The following COL11A1 variants were observed in gnomAD, a reference collection of about 807,000 sequenced individuals.
COL11A1 encodes the protein collagen type XI alpha 1 chain, also known as collagen alpha-1(XI) chain.
Under a neutral mutation model 265.2 loss-of-function variants are expected in COL11A1, and 74 were observed. The ratio of observed to expected loss-of-function variants is 0.28; its 90% CI spans 0.23 to 0.34. The LOEUF (loss-of-function observed/expected upper bound fraction) is 0.34. Ranked by LOEUF, COL11A1 falls within the 10% of genes least tolerant of loss-of-function variation. The probability of loss-of-function intolerance (pLI) is 1.00; values close to 1 mark genes in which losing one functional copy is unlikely to be tolerated. For missense variants in COL11A1, 2,165 were observed against 2,263.6 expected (o/e 0.96, Z 0.88); for synonymous variants, 816 against 727.6 (o/e 1.12, Z -1.96).
At chr1:103,013,375 A>T in intron 13 of COL11A1, among the ~76,000 whole-genome samples, 1 of 151,934 alleles carries the variant, frequency 6.6e-6, no homozygotes. Context: ...CAAGTAGGTT[A>T]AGAGGACTAA....
At chr1:103,013,797 C>T (rs2101896209) in intron 13 of COL11A1, among the ~76,000 whole-genome samples, 1 of 151,816 alleles carries the variant, frequency 6.6e-6, no homozygotes, top group East Asian at 1.9e-4. Flanking sequence ...TTCCTTCTTC[C>T]TTAAAAAGAA....
chr1:102,994,196 C>A (rs1474796823), intron 28 of COL11A1, among the ~76,000 whole-genome samples: 1 of 151,986 alleles, frequency 6.6e-6, no homozygotes, highest in African/African-American at 2.4e-5. Context: ...AAATGACTGT[C>A]CTTGAAAAAA....
intron 32 of COL11A1, 37 bp downstream of exon 32, chr1:102,979,345 T>G: frequency 6.7e-7 from 1 of 1,503,234 alleles, no homozygotes; most frequent in South Asian, 1.1e-5. Flanking sequence ...CTAAGAACAC[T>G]TATATACATA....
intron 57 of COL11A1, among the ~76,000 whole-genome samples, chr1:102,890,937 A>G (rs1186478002): frequency 2.0e-5 from 3 of 152,098 alleles, no homozygotes; most frequent in African/African-American, 7.2e-5. Flanking sequence ...ATCTTTGATA[A>G]CCACAGGAAA....
chr1:102,960,495 G>T (rs2101558514), intron 41 of COL11A1, among the ~76,000 whole-genome samples: 1 of 151,038 alleles, frequency 6.6e-6, no homozygotes, highest in Admixed American at 6.6e-5. Context: ...TGTGGGGGGG[G>T]GAATTTTTAC....
chr1:103,026,055 A>T (rs1238490869), intron 6 of COL11A1, 161 bp downstream of exon 6: 15 of 1,289,562 alleles, frequency 1.2e-5, no homozygotes, highest in Non-Finnish European at 1.6e-5. Context: ...AATGGACATC[A>T]TTCTTCAAAA....
intron 28 of COL11A1, among the ~76,000 whole-genome samples, chr1:102,990,885 T>C (rs1383682501): frequency 6.6e-6 from 1 of 151,724 alleles, no homozygotes; most frequent in Non-Finnish European, 1.5e-5. Context: ...ATAGAAAAAT[T>C]AGCCAGGCAT....
intron 9 of COL11A1, 86 bp downstream of exon 9, chr1:103,021,621 A>G: frequency 1.1e-6 from 1 of 888,188 alleles, no homozygotes. Flanking sequence ...TCATTGGTAA[A>G]ACACGAACAT....
intron 44 of COL11A1, among the ~76,000 whole-genome samples, chr1:102,938,454 G>A (rs1052605963): frequency 3.3e-5 from 5 of 152,054 alleles, no homozygotes; most frequent in African/African-American, 1.2e-4. Flanking sequence ...AAATTAGTAA[G>A]GAAGTGCTGA....
intron 1 of COL11A1, among the ~76,000 whole-genome samples, chr1:103,088,227 GCTT>G (rs1434263130): frequency 1.3e-5 from 2 of 152,164 alleles, no homozygotes; most frequent in African/African-American, 4.8e-5. Context: ...GAGCAAAACT[GCTT>G]CTTAAGTCCA....
intron 4 of COL11A1, among the ~76,000 whole-genome samples, chr1:103,052,118 T>C (rs1669884048): frequency 6.9e-6 from 1 of 145,502 alleles, no homozygotes; most frequent in Non-Finnish European, 1.5e-5. Flanking sequence ...AATAAGACCC[T>C]TTTCTCCATT....
In COL11A1 at chr1:102,877,819, C is replaced by T. The variant is rs1186766465; in HGVS notation, c.*200G>A. The T allele has an allele frequency of 1.3e-5, 7 of 531,322 alleles. No individual in the cohort carries two copies. The highest frequency in any genetic ancestry group is 6.4e-5 in the East Asian group (2 of 31,366). 32.9% of individuals were successfully genotyped at this position (531,322 alleles called of 1,614,324 possible). On this transcript the variant is annotated 3_prime_UTR_variant, in exon 67 of 67. Transcript: ENST00000370096. The stretch of plus-strand genomic sequence containing the variant: ...CAGCCCTGTTTCCATCTTAGCCACA[C>T]CAACTTATATCTTTATGATTTTCAA...
At chr1:102,936,255 C>T (rs1174501639) in intron 44 of COL11A1, among the ~76,000 whole-genome samples, 1 of 150,332 alleles carries the variant, frequency 6.7e-6, no homozygotes, top group Non-Finnish European at 1.5e-5. Context: ...AAAAAAAAGC[C>T]CTACAAACAT....
intron 54 of COL11A1, among the ~76,000 whole-genome samples, chr1:102,908,309 A>C (rs1257648830): frequency 6.6e-6 from 1 of 152,076 alleles, no homozygotes; most frequent in Non-Finnish European, 1.5e-5. Flanking sequence ...CCTGTATGTT[A>C]CAAATATTTT....
Position 102,971,089 on chromosome 1 carries a change from A to AT in COL11A1, c.2809-818dup, listed in dbSNP as rs548030549. ...TAAAAAATGGCATTTTATCTCTCAA[A>AT]TTTTTTCAAGTAAAGGAAACAATAC... On this transcript the variant is annotated intron_variant, in intron 36 of 66. Coordinates refer to ENST00000370096, the MANE Select transcript of COL11A1 (RefSeq NM_001854.4). Among the ~76,000 whole-genome samples the AT allele has an allele frequency of 1.4e-3, 213 of 152,154 alleles. 1 individual carries two copies. The highest frequency in any genetic ancestry group is 4.9e-3 in the African/African-American group (205 of 41,488).
At chr1:103,015,486 G>T (rs560835035) in intron 12 of COL11A1, among the ~76,000 whole-genome samples, 182 bp downstream of exon 12, 1 of 152,104 alleles carries the variant, frequency 6.6e-6, no homozygotes, top group African/African-American at 2.4e-5. Context: ...TTAATGCAGA[G>T]ATTGATACCA....
At chr1:102,987,910 G>T (rs1204602697) in intron 29 of COL11A1, among the ~76,000 whole-genome samples, 170 bp from the exon 30 acceptor site, 1 of 152,068 alleles carries the variant, frequency 6.6e-6, no homozygotes, top group Non-Finnish European at 1.5e-5. Context: ...AACATTGGGA[G>T]AAATGTACTT....
intron 20 of COL11A1, among the ~76,000 whole-genome samples, chr1:103,004,189 A>C (rs1334985643): frequency 2.6e-5 from 4 of 152,168 alleles, no homozygotes; most frequent in Non-Finnish European, 5.9e-5. Flanking sequence ...AACAGCAACA[A>C]AAACTAGGTA....
chr1:103,033,568 G>A (rs573496720), intron 4 of COL11A1, among the ~76,000 whole-genome samples: 3 of 150,718 alleles, frequency 2.0e-5, no homozygotes, highest in South Asian at 2.1e-4. Context: ...TACATACTAT[G>A]AGCCTATCAA....
Sources: gnomAD v4.1 joint callset for allele counts (sites outside exome capture counted in the v4.1 genomes callset) on GRCh38, gnomAD v4.1.1 for gene constraint, MANE v1.5 for transcripts, NCBI Gene and HGNC (gene_info 2026-07-23, HGNC 2026-07-21) for gene names.